The following TNPO3 variants were observed in gnomAD, a reference collection of about 807,000 sequenced individuals.
TNPO3 encodes the protein transportin-3.
In TNPO3, 65 loss-of-function variants were observed where a neutral mutation model predicts 122.8. The observed-to-expected ratio is 0.53, with a 90% CI of 0.43 to 0.65. The LOEUF (loss-of-function observed/expected upper bound fraction) is 0.65, where lower values mean the gene tolerates loss of function less well. Among genes scored for constraint, TNPO3 ranks in the 30% least tolerant of loss-of-function variants. TNPO3 has a pLI of 0.00. For missense variants in TNPO3, 850 were observed against 1,136.7 expected (o/e 0.75, Z 3.63); for synonymous variants, 372 against 411.2 (o/e 0.90, Z 1.15).
chr7:129,019,540 A>T (rs1804225040), intron 1 of TNPO3, among the ~76,000 whole-genome samples: 1 of 152,222 alleles, frequency 6.6e-6, no homozygotes, highest in South Asian at 2.1e-4. Context: ...TCCTAATTAC[A>T]GATTTACTGA....
At chr7:128,979,222 T>G in intron 15 of TNPO3, 99 bp from the exon 16 acceptor site, 1 of 1,458,392 alleles carries the variant, frequency 6.9e-7, no homozygotes, top group Non-Finnish European at 9.3e-7. Flanking sequence ...TTTAAATAAC[T>G]GGGACAAAAC....
At chr7:129,039,157 C>G (rs1438314007) in intron 1 of TNPO3, among the ~76,000 whole-genome samples, 1 of 152,148 alleles carries the variant, frequency 6.6e-6, no homozygotes, top group Non-Finnish European at 1.5e-5. Flanking sequence ...CAGACAACAA[C>G]AAGTACTAGT....
chr7:129,052,273 C>T (rs778069485), intron 1 of TNPO3, among the ~76,000 whole-genome samples: 16 of 152,204 alleles, frequency 1.1e-4, no homozygotes, highest in Non-Finnish European at 2.2e-4. Flanking sequence ...ATTCATTCCT[C>T]CAGCTTCATT....
chr7:129,055,929 C>A (rs13239597), upstream of TNPO3: 70,270 of 646,794 alleles, frequency 0.11, 4,747 homozygotes, highest in Admixed American at 0.17. Context: ...GTTACAAGAT[C>A]TCATTTAATC....
intron 7 of TNPO3, among the ~76,000 whole-genome samples, chr7:128,999,491 C>T (rs567385032): frequency 1.3e-5 from 2 of 152,232 alleles, no homozygotes; most frequent in African/African-American, 2.4e-5. Flanking sequence ...GAAAACAGGC[C>T]GAGAGTCACA....
chr7:128,978,960 C>T (rs762110320), intron 16 of TNPO3, 23 bp downstream of exon 16: 3 of 1,609,216 alleles, frequency 1.9e-6, no homozygotes, highest in Admixed American at 1.7e-5. Flanking sequence ...TGGAACACGT[C>T]CCCCCGCAAC....
intron 12 of TNPO3, among the ~76,000 whole-genome samples, chr7:128,986,184 G>A (rs938462428): frequency 2.6e-5 from 4 of 152,092 alleles, no homozygotes; most frequent in Non-Finnish European, 5.9e-5. Flanking sequence ...ATGCTTAAAG[G>A]CTGTTCTAAG....
chr7:129,040,246 C>T lies in TNPO3; in HGVS notation c.120+14405G>A, dbSNP rs138806886. 6.7e-3 allele frequency among the ~76,000 whole-genome samples: 969 copies of T among 144,868 alleles called. 5 individuals are homozygous for T. Among genetic ancestry groups the T allele is most frequent in the African/African-American group, 0.01 (385 of 38,392 alleles). ...CTCTAGCCTGGGCAACAGGGCGAGA[C>T]GCCATCTCAAAAAAAAAAAAAAAAG... is the stretch of plus-strand genomic sequence containing the variant. On this transcript the variant is annotated intron_variant, in intron 1 of 22. Transcript: ENST00000265388.
In TNPO3 at chr7:128,972,442, G is replaced by A; in HGVS notation, c.2414C>T (p.Thr805Ile). 1.9e-6 allele frequency: 3 copies of A among 1,613,576 alleles called. No homozygotes were observed. Among genetic ancestry groups the A allele is most frequent in the Middle Eastern group, 1.7e-4 (1 of 6,056 alleles). ...TATACTTACATCATTGGCTACCCCTGTATGAATGAGGTCTCGTAGAAACCT... is the reference window on the plus strand; with the variant it reads ...TATACTTACATCATTGGCTACCCCTATATGAATGAGGTCTCGTAGAAACCT... ...VMRFLRDLIH[T>I]GVANDHEEDF... Residue 805 changes from threonine (T) to isoleucine (I), a missense_variant, in exon 19 of 23, where the codon ACA becomes ATA. Thr to Ile is a moderately conservative substitution (Grantham distance 89). Coordinates refer to ENST00000265388, the MANE Select transcript of TNPO3 (RefSeq NM_012470.4).
At chr7:129,017,507 CTCTT>C (rs2150435255) in intron 2 of TNPO3, among the ~76,000 whole-genome samples, 1 of 152,296 alleles carries the variant, frequency 6.6e-6, no homozygotes, top group African/African-American at 2.4e-5. Context: ...GAAAAGCCTC[CTCTT>C]TAAGGGCACT....
chr7:129,053,081 T>C (rs980088817), intron 1 of TNPO3, among the ~76,000 whole-genome samples: 1 of 152,074 alleles, frequency 6.6e-6, no homozygotes, highest in Non-Finnish European at 1.5e-5. Context: ...TCCCAGCACT[T>C]TGGGAGGCCG....
intron 21 of TNPO3, among the ~76,000 whole-genome samples, chr7:128,965,252 A>G (rs1797825533): frequency 6.6e-6 from 1 of 152,242 alleles, no homozygotes. Flanking sequence ...AAAGAAACCC[A>G]ATTTTTAAAT....
intron 16 of TNPO3, among the ~76,000 whole-genome samples, chr7:128,977,572 G>A (rs1799189553): frequency 6.6e-6 from 1 of 150,908 alleles, no homozygotes; most frequent in Non-Finnish European, 1.5e-5. Flanking sequence ...AGAATTTAAG[G>A]GGGAACTCAT....
intron 22 of TNPO3, among the ~76,000 whole-genome samples, chr7:128,956,473 C>T (rs1363034492): frequency 2.0e-5 from 3 of 152,290 alleles, no homozygotes; most frequent in African/African-American, 4.8e-5. Flanking sequence ...AAGTGCTCAT[C>T]GGGAGCCAAA....
In TNPO3 at chr7:129,054,770, TGGTGGTGGC is replaced by T. The variant is rs775884383; in HGVS notation, c.-9_-1del. ...TGCAATGTCGGCTTTGCTCCTTCCA[TGGTGGTGGC>T]GGTAGTGGCGGTAGCGACGGCTCTG... is the stretch of plus-strand genomic sequence containing the variant. On this transcript the variant is annotated 5_prime_UTR_variant, in exon 1 of 23. Transcript: ENST00000265388. 1.1e-5 allele frequency: 18 copies of T among 1,613,942 alleles called. No individual in the cohort carries two copies. Among genetic ancestry groups the T allele is most frequent in the African/African-American group, 2.7e-5 (2 of 74,904 alleles).
chr7:128,979,823 G>T, intron 15 of TNPO3, 148 bp downstream of exon 15: 1 of 716,002 alleles, frequency 1.4e-6, no homozygotes, highest in Non-Finnish European at 2.5e-6. Context: ...CATTTGGATG[G>T]CTCTGTCCCT....
At chr7:129,053,075 A>G (rs1190643291) in intron 1 of TNPO3, among the ~76,000 whole-genome samples, 2 of 152,276 alleles carry the variant, frequency 1.3e-5, no homozygotes, top group Non-Finnish European at 2.9e-5. Flanking sequence ...CTATAATCCC[A>G]GCACTTTGGG....
intron 4 of TNPO3, among the ~76,000 whole-genome samples, chr7:129,010,721 C>T (rs1012186802): frequency 7.9e-5 from 12 of 152,118 alleles, no homozygotes; most frequent in Non-Finnish European, 2.9e-5. Flanking sequence ...GCATCAAGTA[C>T]CTATGATATA....
At chr7:128,959,397 T>C (rs953032610) in intron 21 of TNPO3, among the ~76,000 whole-genome samples, 3 of 152,296 alleles carry the variant, frequency 2.0e-5, no homozygotes, top group Admixed American at 6.5e-5. Flanking sequence ...CAGGGTCTCA[T>C]TGTGTTGCCC....
Sources: gnomAD v4.1 joint callset for allele counts (sites outside exome capture counted in the v4.1 genomes callset) on GRCh38, gnomAD v4.1.1 for gene constraint, MANE v1.5 for transcripts, NCBI Gene and HGNC (gene_info 2026-07-23, HGNC 2026-07-21) for gene names.